SLC10A7: variants seen among roughly 807,000 people sequenced by gnomAD.
The protein encoded by SLC10A7 is sodium/bile acid cotransporter 7.
SLC10A7 carries 29 observed loss-of-function variants against 43.2 expected under a neutral mutation model. The ratio of observed to expected loss-of-function variants is 0.67; its 90% confidence interval spans 0.50 to 0.92. The LOEUF (loss-of-function observed/expected upper bound fraction) is 0.92. Among genes scored for constraint, SLC10A7 ranks in the 40% least tolerant of loss-of-function variants. SLC10A7 has a pLI of 0.00. For synonymous variants in SLC10A7, 152 were observed against 144.8 expected (o/e 1.05, Z -0.35); for missense variants, 295 against 403.2 (o/e 0.73, Z 2.30).
chr4:146,343,665 T>C (rs77083586), intron 5 of SLC10A7, among the ~76,000 whole-genome samples: 1 of 151,944 alleles, frequency 6.6e-6, no homozygotes, highest in African/African-American at 2.4e-5. Context: ...AGTCTTTTTA[T>C]GGGCATGGTC....
intron 5 of SLC10A7, among the ~76,000 whole-genome samples, chr4:146,396,327 A>G (rs1277500035): frequency 1.3e-5 from 2 of 152,178 alleles, no homozygotes; most frequent in Non-Finnish European, 2.9e-5. Flanking sequence ...ATTTTAGTGG[A>G]AAGAGAATAT....
rs139057604 is a variant in SLC10A7, at chr4:146,320,992, A to G, written c.471+4969T>C. Among the ~76,000 whole-genome samples, 75 of 152,204 alleles carry G rather than the reference A, an allele frequency of 4.9e-4. No homozygotes were observed. In the East Asian group the frequency reaches 0.012, roughly 25 times the overall value. On this transcript the variant is annotated intron_variant, in intron 6 of 11. Coordinates refer to ENST00000335472, the MANE Select transcript of SLC10A7 (RefSeq NM_001029998.6). ...GAAAGTGAAGGAAATATTCTGAGAA[A>G]AGGTTAGGAATACAGCTGAGATTCC...
At chr4:146,521,496 G>T in intron 1 of SLC10A7, 122 bp downstream of exon 1, 1 of 749,084 alleles carries the variant, frequency 1.3e-6, no homozygotes, top group Non-Finnish European at 2.3e-6. Flanking sequence ...AGGGCCAAAG[G>T]CTGGTCAGTG....
intron 4 of SLC10A7, among the ~76,000 whole-genome samples, chr4:146,456,610 C>A (rs767117222): frequency 9.9e-5 from 15 of 151,960 alleles, no homozygotes; most frequent in Non-Finnish European, 1.8e-4. Flanking sequence ...ATAAGGGATA[C>A]ACATTAGGCA....
At chr4:146,346,672 G>C (rs1054110589) in intron 5 of SLC10A7, among the ~76,000 whole-genome samples, 5 of 152,080 alleles carry the variant, frequency 3.3e-5, no homozygotes, top group Middle Eastern at 6.8e-3. Flanking sequence ...AGTTTCATGA[G>C]TATTTAAATG....
chr4:146,338,054 G>T (rs890867834), intron 5 of SLC10A7, among the ~76,000 whole-genome samples: 8 of 151,860 alleles, frequency 5.3e-5, no homozygotes, highest in African/African-American at 1.9e-4. Flanking sequence ...CTGCCATTCT[G>T]CTCATTGATG....
intron 4 of SLC10A7, among the ~76,000 whole-genome samples, chr4:146,455,685 T>A (rs1045241302): frequency 6.6e-6 from 1 of 151,894 alleles, no homozygotes; most frequent in Admixed American, 6.6e-5. Context: ...TCGCAGATCA[T>A]CTCATCAAGG....
chr4:146,485,021 G>C (rs1168047219), intron 4 of SLC10A7, among the ~76,000 whole-genome samples: 1 of 152,152 alleles, frequency 6.6e-6, no homozygotes, highest in Non-Finnish European at 1.5e-5. Context: ...AAACTGTATA[G>C]ACCAATGTCA....
At chr4:146,322,086 A>G (rs541868960) in intron 6 of SLC10A7, among the ~76,000 whole-genome samples, 8 of 152,278 alleles carry the variant, frequency 5.3e-5, no homozygotes, top group African/African-American at 1.9e-4. Flanking sequence ...AGAATGTTGA[A>G]CATTACAACT....
At chr4:146,441,654 C>G in intron 5 of SLC10A7, 1 of 974,606 alleles carries the variant, frequency 1.0e-6, no homozygotes, top group Non-Finnish European at 1.2e-6. Context: ...ACTAAGCAAT[C>G]CGAGAGATTA....
chr4:146,257,952 A>G (rs918646344), intron 11 of SLC10A7, among the ~76,000 whole-genome samples: 2 of 152,250 alleles, frequency 1.3e-5, no homozygotes, highest in Admixed American at 6.5e-5. Flanking sequence ...TCTTCTTCCC[A>G]CACATCTCCT....
intron 5 of SLC10A7, among the ~76,000 whole-genome samples, chr4:146,385,709 G>A (rs1194836309): frequency 1.3e-5 from 2 of 152,160 alleles, no homozygotes; most frequent in African/African-American, 2.4e-5. Flanking sequence ...CAGCCAGATA[G>A]TGAGCATATT....
intron 4 of SLC10A7, among the ~76,000 whole-genome samples, chr4:146,444,388 C>G (rs1173107880): frequency 1.3e-5 from 2 of 152,162 alleles, no homozygotes; most frequent in Non-Finnish European, 2.9e-5. Flanking sequence ...TACTCAATAA[C>G]TAGCGGTCTT....
Position 146,326,929 on chromosome 4 carries a change from C to T in SLC10A7, c.436-933G>A, listed in dbSNP as rs10452249. ...AAAGAGAGGGACAGACACACACACA[C>T]ACACACACACACACACACACACACA... On this transcript the variant is annotated intron_variant, in intron 5 of 11. Transcript: ENST00000335472. Among the ~76,000 whole-genome samples the T allele has an allele frequency of 1.6e-4, 13 of 80,504 alleles. No individual in the cohort carries two copies. In the East Asian group the frequency reaches 2.9e-3, roughly 18 times the overall value. The allele number at this position is 80,504 out of a possible 152,430, so 52.8% of individuals were successfully genotyped here. A position where few individuals can be genotyped will look rare whatever the true frequency, so the allele number is the denominator to read the frequency against.
intron 3 of SLC10A7, 143 bp from the exon 4 acceptor site, chr4:146,504,067 G>A: frequency 2.7e-6 from 2 of 729,720 alleles, no homozygotes; most frequent in South Asian, 3.5e-5. Context: ...ATTTAGACAA[G>A]TCTACACAAG....
intron 4 of SLC10A7, among the ~76,000 whole-genome samples, chr4:146,456,579 C>T (rs1388408312): frequency 1.3e-5 from 2 of 151,918 alleles, no homozygotes; most frequent in African/African-American, 4.8e-5. Flanking sequence ...AAGTGCCATA[C>T]TTAACAATTA....
chr4:146,316,821 C>T, intron 6 of SLC10A7, among the ~76,000 whole-genome samples: 1 of 152,092 alleles, frequency 6.6e-6, no homozygotes, highest in Non-Finnish European at 1.5e-5. Flanking sequence ...AGTTGGCCAG[C>T]TGCTGCATTT....
At chr4:146,279,529 A>G (rs777713265) in intron 10 of SLC10A7, among the ~76,000 whole-genome samples, 3 of 152,194 alleles carry the variant, frequency 2.0e-5, no homozygotes, top group Non-Finnish European at 2.9e-5. Flanking sequence ...CCATCAAACT[A>G]GAGAATACTT....
chr4:146,413,143 G>T (rs966043310), intron 5 of SLC10A7, among the ~76,000 whole-genome samples: 1 of 151,714 alleles, frequency 6.6e-6, no homozygotes, highest in Non-Finnish European at 1.5e-5. Flanking sequence ...ATTTATCTAG[G>T]ATCACTGTAG....
Sources: allele counts gnomAD v4.1 joint callset (sites outside exome capture counted in the v4.1 genomes callset), GRCh38; gene constraint gnomAD v4.1.1; transcripts MANE v1.5; gene names NCBI Gene and HGNC (gene_info 2026-07-23, HGNC 2026-07-21).